The following ZNF521 variants were observed in gnomAD, a reference collection of about 807,000 sequenced individuals.
The protein encoded by ZNF521 is LYST-interacting protein 3.
A neutral mutation model predicts 105.5 loss-of-function variants in ZNF521; 14 were observed. That is an observed-to-expected ratio of 0.13 (90% confidence interval 0.09 to 0.21). The LOEUF (loss-of-function observed/expected upper bound fraction) is 0.21. Ranked by LOEUF, ZNF521 falls within the 10% of genes least tolerant of loss-of-function variation. The pLI is 1.00. For missense variants in ZNF521, 1,233 were observed against 1,629.7 expected, an observed-to-expected ratio of 0.76 and a Z score of 4.19; for synonymous variants, 635 against 606.0, an observed-to-expected ratio of 1.05 and a Z score of -0.70.
intron 3 of ZNF521, among the ~76,000 whole-genome samples, chr18:25,242,836 T>C (rs1453372863): frequency 6.6e-6 from 1 of 152,178 alleles, no homozygotes; most frequent in Admixed American, 6.5e-5. Flanking sequence ...GGTTGGGGAA[T>C]GTCAAAGCAG....
intron 5 of ZNF521, among the ~76,000 whole-genome samples, chr18:25,142,962 C>A (rs996472427): frequency 6.6e-6 from 1 of 152,100 alleles, no homozygotes; most frequent in Non-Finnish European, 1.5e-5. Context: ...AGATATTAAT[C>A]TGACTATAAA....
intron 5 of ZNF521, among the ~76,000 whole-genome samples, chr18:25,155,309 T>C (rs1468616512): frequency 6.6e-6 from 1 of 152,192 alleles, no homozygotes; most frequent in Admixed American, 6.5e-5. Context: ...ATTGACCCAT[T>C]CTCTGATATA....
At chr18:25,121,192 A>G (rs2034434755) in intron 5 of ZNF521, among the ~76,000 whole-genome samples, 1 of 143,840 alleles carries the variant, frequency 7.0e-6, no homozygotes, top group Non-Finnish European at 1.5e-5. Context: ...GCTCACTGCA[A>G]ACTCCGCCTC....
chr18:25,325,779 C>T (rs565065567), intron 2 of ZNF521, among the ~76,000 whole-genome samples: 28 of 152,238 alleles, frequency 1.8e-4, no homozygotes, highest in African/African-American at 6.3e-4. Flanking sequence ...TTGGAACACA[C>T]GCACAATTAT....
intron 6 of ZNF521, 35 bp downstream of exon 6, chr18:25,091,915 G>A: frequency 6.2e-7 from 1 of 1,609,498 alleles, no homozygotes; most frequent in Non-Finnish European, 8.5e-7. Context: ...GTGGCCATCA[G>A]CCTCTCCTGT....
intron 5 of ZNF521, among the ~76,000 whole-genome samples, chr18:25,120,823 C>T (rs996643220): frequency 3.9e-5 from 6 of 152,078 alleles, no homozygotes; most frequent in Admixed American, 1.3e-4. Flanking sequence ...ACCTTGGCTC[C>T]CTTCTTCTCA....
At chr18:25,110,659 A>G (rs895334961) in intron 5 of ZNF521, among the ~76,000 whole-genome samples, 8 of 151,474 alleles carry the variant, frequency 5.3e-5, no homozygotes, top group Non-Finnish European at 1.0e-4. Context: ...TTGCCCAGCT[A>G]TCTTACTTTT....
At chr18:25,083,931 A>ATTTTTTTTTT (rs56364504) in intron 7 of ZNF521, among the ~76,000 whole-genome samples, 1 of 57,864 alleles carries the variant, frequency 1.7e-5, no homozygotes, top group Non-Finnish European at 3.0e-5. Context: ...AACCTGGGTA[A>ATTTTTTTTTT]TTTTTTTTTT....
chr18:25,179,954 A>G (rs1349926989), intron 5 of ZNF521, among the ~76,000 whole-genome samples: 1 of 152,232 alleles, frequency 6.6e-6, no homozygotes, highest in Non-Finnish European at 1.5e-5. Context: ...GAAAATCTGA[A>G]TTAGAATTCT....
At chr18:25,092,954 T>C (rs1480248636) in intron 5 of ZNF521, among the ~76,000 whole-genome samples, 4 of 152,202 alleles carry the variant, frequency 2.6e-5, no homozygotes, top group African/African-American at 4.8e-5. Flanking sequence ...TATTTCATTG[T>C]GCAATTGTAA....
intron 3 of ZNF521, among the ~76,000 whole-genome samples, chr18:25,319,540 G>C (rs1600301786): frequency 6.6e-6 from 1 of 150,656 alleles, no homozygotes; most frequent in Non-Finnish European, 1.5e-5. Flanking sequence ...AGGTTGCAGT[G>C]AGCAGAGATC....
intron 7 of ZNF521, among the ~76,000 whole-genome samples, chr18:25,088,385 T>C (rs2033672228): frequency 6.6e-6 from 1 of 151,770 alleles, no homozygotes; most frequent in African/African-American, 2.4e-5. Flanking sequence ...CTGGCTAATT[T>C]TTTTTTTGTA....
chr18:25,192,427 A>G lies in ZNF521; in HGVS notation c.3658+2733T>C, dbSNP rs9963613. On this transcript the variant is annotated intron_variant, in intron 5 of 7. Coordinates refer to ENST00000361524, the MANE Select transcript of ZNF521 (RefSeq NM_015461.3). The stretch of plus-strand genomic sequence containing the variant: ...TGTGTGGCGGTTGCTTGACACTGAG[A>G]TTGCACACAAACATAGGTGCCACAG... Among the ~76,000 whole-genome samples the G allele has an allele frequency of 7.2e-3, 1,098 of 152,202 alleles. 13 individuals are homozygous for G. The highest frequency in any genetic ancestry group is 0.025 in the African/African-American group (1,027 of 41,502).
At chr18:25,172,943 T>C in intron 5 of ZNF521, among the ~76,000 whole-genome samples, 1 of 152,236 alleles carries the variant, frequency 6.6e-6, no homozygotes, top group East Asian at 1.9e-4. Context: ...GTTAAAGTTG[T>C]GTGAATAAAA....
chr18:25,201,949 C>G (rs1469019595), intron 4 of ZNF521: 1 of 152,060 alleles, frequency 6.6e-6, no homozygotes, highest in East Asian at 1.9e-4. Flanking sequence ...ACGTAGCACA[C>G]CTGCACTAAA....
chr18:25,233,392 C>T (rs934816014), intron 3 of ZNF521, among the ~76,000 whole-genome samples: 3 of 151,314 alleles, frequency 2.0e-5, no homozygotes, highest in Non-Finnish European at 4.4e-5. Context: ...TGTCATATAA[C>T]TTATTTAACT....
At chr18:25,215,647 A>G (rs191368639) in intron 4 of ZNF521, among the ~76,000 whole-genome samples, 8 of 152,328 alleles carry the variant, frequency 5.3e-5, no homozygotes, top group Admixed American at 2.0e-4. Flanking sequence ...TTTGAATTTC[A>G]TAAGTTCTAA....
At chr18:25,091,920 T>C in intron 6 of ZNF521, 30 bp downstream of exon 6, 1 of 1,611,634 alleles carries the variant, frequency 6.2e-7, no homozygotes, top group East Asian at 2.2e-5. Context: ...CATCAGCCTC[T>C]CCTGTGTCTT....
chr18:25,253,633 T>C (rs1908266866), intron 3 of ZNF521, among the ~76,000 whole-genome samples: 1 of 152,158 alleles, frequency 6.6e-6, no homozygotes, highest in Admixed American at 6.5e-5. Context: ...CATTTAGATT[T>C]TGTGCTTCAA....
Sources: gnomAD v4.1 joint callset for allele counts (sites outside exome capture counted in the v4.1 genomes callset) on GRCh38, gnomAD v4.1.1 for gene constraint, MANE v1.5 for transcripts, NCBI Gene and HGNC (gene_info 2026-07-23, HGNC 2026-07-21) for gene names.